The following TST variants were observed in gnomAD, a reference collection of about 807,000 sequenced individuals.
The protein encoded by TST is thiosulfate sulfurtransferase.
In TST, 22 loss-of-function variants were observed where a neutral mutation model predicts 20.4. The observed-to-expected ratio is 1.08, with a 90% CI of 0.77 to 1.54. The LOEUF (loss-of-function observed/expected upper bound fraction) is 1.54, where lower values mean the gene tolerates loss of function less well. Among genes scored for constraint, TST ranks in the 40% most tolerant of loss-of-function variants. The probability of loss-of-function intolerance (pLI) is 0.00; values close to 1 mark genes in which losing one functional copy is unlikely to be tolerated. For missense variants in TST, 392 were observed against 405.2 expected (o/e 0.97, Z 0.28); for synonymous variants, 187 against 173.8 (o/e 1.08, Z -0.60).
chr22:37,016,288 C>T (rs1922679893), intron 2 of TST, among the ~76,000 whole-genome samples: 1 of 152,026 alleles, frequency 6.6e-6, no homozygotes, highest in South Asian at 2.1e-4. Flanking sequence ...GTGGGTAGGG[C>T]TGGCGTGACT....
At chr22:37,017,114 C>A (rs1290280348) in intron 2 of TST, among the ~76,000 whole-genome samples, 1 of 152,192 alleles carries the variant, frequency 6.6e-6, no homozygotes, top group African/African-American at 2.4e-5. Flanking sequence ...AAGAGAGGGC[C>A]CTGCTCCTGG....
chr22:37,015,489 A>G (rs1211265914), intron 2 of TST, among the ~76,000 whole-genome samples: 1 of 152,252 alleles, frequency 6.6e-6, no homozygotes, highest in Non-Finnish European at 1.5e-5. Flanking sequence ...GAGGCTAAGC[A>G]TCAGTATCAC....
At chr22:37,017,165 A>C (rs1301265213) in intron 2 of TST, among the ~76,000 whole-genome samples, 1 of 152,188 alleles carries the variant, frequency 6.6e-6, no homozygotes, top group Non-Finnish European at 1.5e-5. Flanking sequence ...AGCAGGAGTG[A>C]TGGCAGCGAG....
chr22:37,014,278 C>A (rs1016838557), intron 2 of TST, among the ~76,000 whole-genome samples: 1 of 152,130 alleles, frequency 6.6e-6, no homozygotes, highest in African/African-American at 2.4e-5. Flanking sequence ...GCTGAGGCAG[C>A]AGAATGGCGT....
Position 37,018,330 on chromosome 22 carries a change from G to T in TST, c.403C>A (p.Leu135Met). Residue 135 changes from leucine (L) to methionine (M), a missense_variant, in exon 2 of 3, where the codon CTG becomes ATG. By Grantham distance (15) the Leu-to-Met change is conservative. Transcript: ENST00000249042. ...GATGTCACCGGGTGGCCCTCCTTCA[G>T]CCAGTTCCGGAAGCCACCATTGAGC... ...SVLNGGFRNW[L>M]KEGHPVTSEP... The T allele has an allele frequency of 6.2e-7, 1 of 1,613,960 alleles. No homozygotes were observed.
In TST at chr22:37,014,675, T is replaced by C. The variant is rs897891241; in HGVS notation, c.596-3350A>G. Among the ~76,000 whole-genome samples, 8 of 152,340 alleles carry C rather than the reference T, an allele frequency of 5.3e-5. No individual in the cohort carries two copies. In the East Asian group the frequency reaches 1.5e-3, roughly 29 times the overall value. On this transcript the variant is annotated intron_variant, in intron 2 of 2. Coordinates refer to ENST00000249042, the MANE Select transcript of TST (RefSeq NM_003312.6). Reference sequence around the variant, plus strand: ...TCAGGACACACAGCAAAGGTAAGTCTGATTGGTCTGCCCCCAACGCCTGTG... The same window carrying C: ...TCAGGACACACAGCAAAGGTAAGTCCGATTGGTCTGCCCCCAACGCCTGTG...
chr22:37,013,247 C>G (rs531240734), intron 2 of TST: 1 of 152,316 alleles, frequency 6.6e-6, no homozygotes, highest in South Asian at 2.1e-4. Context: ...GTGGTGTTTA[C>G]AATCAACTGA....
intron 2 of TST, among the ~76,000 whole-genome samples, chr22:37,015,234 G>T (rs1226313989): frequency 6.6e-6 from 1 of 152,216 alleles, no homozygotes; most frequent in Admixed American, 6.5e-5. Context: ...TTGCAGGGCT[G>T]CTGTAGGTGT....
intron 2 of TST, among the ~76,000 whole-genome samples, chr22:37,015,729 C>T (rs1245502407): frequency 3.9e-5 from 6 of 152,172 alleles, no homozygotes; most frequent in Non-Finnish European, 8.8e-5. Flanking sequence ...ATCTGGACCG[C>T]TGAACCTACA....
intron 2 of TST, among the ~76,000 whole-genome samples, chr22:37,014,243 A>G (rs1019619164): frequency 6.6e-6 from 1 of 152,152 alleles, no homozygotes; most frequent in African/African-American, 2.4e-5. Flanking sequence ...GGTGGTGGGC[A>G]CCTGTAGTCC....
In TST at chr22:37,010,898, G is replaced by A; in HGVS notation, c.*129C>T. On this transcript the variant is annotated 3_prime_UTR_variant, in exon 3 of 3. Transcript: ENST00000249042. ...GGCAAAGTTTATTCCAGTGTTGACA[G>A]AGAGAGGGTGAGCCTTGCACAGCAA... 5.3e-6 allele frequency: 7 copies of A among 1,329,722 alleles called. No individual in the cohort carries two copies. The highest frequency in any genetic ancestry group is 6.2e-6 in the Non-Finnish European group (6 of 969,740). The allele number at this position is 1,329,722 out of a possible 1,614,324, so 82.4% of individuals were successfully genotyped here.
At chr22:37,012,910 C>T (rs1423037102) in intron 2 of TST, among the ~76,000 whole-genome samples, 16 of 152,190 alleles carry the variant, frequency 1.1e-4, no homozygotes, top group Non-Finnish European at 2.9e-5. Context: ...GGTATGGTGG[C>T]ATGCGCCTGT....
upstream of TST, chr22:37,020,153 C>A (rs1394070982): frequency 2.7e-6 from 1 of 371,734 alleles, no homozygotes; most frequent in African/African-American, 2.1e-5. Flanking sequence ...GAGACGAGAC[C>A]CCGCTGACCC....
Position 37,010,895 on chromosome 22 carries a change from A to G in TST, c.*132T>C. 1 of 1,314,068 alleles carries G rather than the reference A, an allele frequency of 7.6e-7. No homozygotes were observed. The highest frequency in any genetic ancestry group is 2.3e-5 in the East Asian group (1 of 42,910). The allele number at this position is 1,314,068 out of a possible 1,614,324, so 81.4% of individuals were successfully genotyped here. A position where few individuals can be genotyped will look rare whatever the true frequency, so the allele number is the denominator to read the frequency against. On this transcript the variant is annotated 3_prime_UTR_variant, in exon 3 of 3. Coordinates refer to ENST00000249042, the MANE Select transcript of TST (RefSeq NM_003312.6). ...AAAGGCAAAGTTTATTCCAGTGTTGACAGAGAGAGGGTGAGCCTTGCACAG... is the reference window on the plus strand; with the variant it reads ...AAAGGCAAAGTTTATTCCAGTGTTGGCAGAGAGAGGGTGAGCCTTGCACAG...
At chr22:37,015,649 T>C (rs1726799929) in intron 2 of TST, among the ~76,000 whole-genome samples, 1 of 152,238 alleles carries the variant, frequency 6.6e-6, no homozygotes, top group Admixed American at 6.5e-5. Flanking sequence ...TTTAGGGTCA[T>C]TCCTTCCAGA....
At chr22:37,019,642 G>A (rs1251564368), upstream of TST, 2 of 314,436 alleles carry the variant, frequency 6.4e-6, no homozygotes, top group East Asian at 9.9e-5. Flanking sequence ...GTGGCGCGGG[G>A]GCCGCGCGGG....
chr22:37,019,665 G>A, upstream of TST: 1 of 346,186 alleles, frequency 2.9e-6, no homozygotes, highest in East Asian at 4.3e-5. Context: ...TGGGCTGGGC[G>A]GAGCGGGCGT....
At chr22:37,019,796 C>G (rs1163061012), upstream of TST, 24 of 1,058,794 alleles carry the variant, frequency 2.3e-5, no homozygotes, top group South Asian at 9.5e-5. Context: ...GAGGAGGGGA[C>G]AGCTGCGGGC....
upstream of TST, chr22:37,019,759 C>T (rs1020452717): frequency 1.4e-5 from 9 of 634,728 alleles, no homozygotes; most frequent in African/African-American, 1.5e-4. Context: ...AGTCTCCTCC[C>T]TTTGGTCCGC....
Sources: gnomAD v4.1 joint callset for allele counts (sites outside exome capture counted in the v4.1 genomes callset) on GRCh38, gnomAD v4.1.1 for gene constraint, MANE v1.5 for transcripts, NCBI Gene and HGNC (gene_info 2026-07-23, HGNC 2026-07-21) for gene names.